ARPIN: variants seen among roughly 807,000 people sequenced by gnomAD.
ARPIN encodes the protein UPF0552 protein C15orf38.
Under a neutral mutation model 25.9 loss-of-function variants are expected in ARPIN, and 23 were observed. The observed-to-expected ratio is 0.89, with a 90% CI of 0.64 to 1.26. ARPIN has a LOEUF of 1.26. Among genes scored for constraint, ARPIN ranks in the 50% most tolerant of loss-of-function variants. ARPIN has a pLI of 0.00. For missense variants in ARPIN, 333 were observed against 312.2 expected (o/e 1.07, Z -0.50); for synonymous variants, 126 against 131.4 (o/e 0.96, Z 0.28).
intron 1 of ARPIN, chr15:89,912,253 C>T (rs1897237720): frequency 2.0e-6 from 2 of 990,190 alleles, no homozygotes; most frequent in Admixed American, 6.1e-5. Context: ...ATGGTCCCTT[C>T]GGCCTCATAA....
rs370824008 is a variant in ARPIN, at chr15:89,896,680, A to G, written c.*5115T>C. Reference sequence around the variant, plus strand: ...GTTATATTTAAAATGCAAATAACTGATAAACTAAAAAGATAACACTCCCCA... The same window carrying G: ...GTTATATTTAAAATGCAAATAACTGGTAAACTAAAAAGATAACACTCCCCA... On this transcript the variant is annotated 3_prime_UTR_variant, in exon 6 of 6. Coordinates refer to ENST00000357484, the MANE Select transcript of ARPIN (RefSeq NM_182616.4). The G allele has an allele frequency of 6.6e-6, 1 of 152,196 alleles. No homozygotes were observed. The highest frequency in any genetic ancestry group is 1.5e-5 in the Non-Finnish European group (1 of 68,030). 9.4% of individuals were successfully genotyped at this position (152,196 alleles called of 1,614,324 possible).
At chr15:89,908,799 T>G (rs1310975763) in intron 2 of ARPIN, among the ~76,000 whole-genome samples, 1 of 152,044 alleles carries the variant, frequency 6.6e-6, no homozygotes, top group East Asian at 1.9e-4. Context: ...CTGGCCAGCA[T>G]GGTGAAACCC....
At chr15:89,911,397 G>A (rs997797580) in intron 1 of ARPIN, among the ~76,000 whole-genome samples, 2 of 152,086 alleles carry the variant, frequency 1.3e-5, no homozygotes, top group South Asian at 4.1e-4. Context: ...AAGATCACAC[G>A]GTCCTTCACT....
chr15:89,908,711 C>G (rs1897171319), intron 2 of ARPIN, among the ~76,000 whole-genome samples: 1 of 152,084 alleles, frequency 6.6e-6, no homozygotes, highest in Non-Finnish European at 1.5e-5. Context: ...GGGCTGGGCA[C>G]AGTGGCTCAC....
At chr15:89,912,663 T>TTTGGGCCCCC in intron 1 of ARPIN, 81 bp downstream of exon 1, 1 of 871,098 alleles carries the variant, frequency 1.1e-6, no homozygotes, top group Non-Finnish European at 1.4e-6. Flanking sequence ...CCCACCCGCA[T>TTTGGGCCCCC]CCCACCCCCC....
At chr15:89,908,625 T>C (rs1897169897) in intron 2 of ARPIN, among the ~76,000 whole-genome samples, 1 of 152,104 alleles carries the variant, frequency 6.6e-6, no homozygotes. Context: ...TGAGCCCTGC[T>C]AGAAGTTCCT....
chr15:89,898,248 G>A lies in ARPIN; in HGVS notation c.*3547C>T, dbSNP rs1158781988. 12 of 116,588 alleles carry A rather than the reference G, an allele frequency of 1.0e-4. No individual in the cohort carries two copies. The Admixed American group carries it at 1.2e-3, about 11-fold the overall frequency. The allele number at this position is 116,588 out of a possible 1,614,324, so 7.2% of individuals were successfully genotyped here. ...ATGGTGAAAGGCAAGCTGGACACTGGTGGAAGAAAAAAAAATTCAGATGGG... is the reference window on the plus strand; with the variant it reads ...ATGGTGAAAGGCAAGCTGGACACTGATGGAAGAAAAAAAAATTCAGATGGG... On this transcript the variant is annotated 3_prime_UTR_variant, in exon 6 of 6. Coordinates refer to ENST00000357484, the MANE Select transcript of ARPIN (RefSeq NM_182616.4).
intron 1 of ARPIN, 107 bp from the exon 2 acceptor site, chr15:89,910,926 T>A: frequency 1.5e-6 from 2 of 1,329,296 alleles, no homozygotes; most frequent in Non-Finnish European, 2.1e-6. Context: ...ACTGAGCAGC[T>A]CCTTTCCCCG....
intron 1 of ARPIN, among the ~76,000 whole-genome samples, chr15:89,911,139 A>G (rs758510739): frequency 6.6e-6 from 1 of 152,226 alleles, no homozygotes; most frequent in Non-Finnish European, 1.5e-5. Flanking sequence ...TGATGTTGAC[A>G]CAAGATCATG....
At position 89,912,748 on chromosome 15, in the gene ARPIN, G is replaced by A. The variant is rs767975948; in HGVS notation, c.88C>T (p.Gln30Ter). The change falls in exon 1 of 6, where the codon CAG (glutamine) becomes TAG (stop). Residue 30 changes from glutamine (Q) to a stop codon, truncating the protein, a stop_gained. Coordinates refer to ENST00000357484, the MANE Select transcript of ARPIN (RefSeq NM_182616.4). LOFTEE classifies it high-confidence loss of function. ...LPGAWDPAAH[Q>*]GGNGVLLEGE... Reference sequence around the variant, plus strand: ...AGGCCGTGAGCCCAGGCCTACCCCTGGTGGGCGGCGGGGTCCCAGGCCCCT... The same window carrying A: ...AGGCCGTGAGCCCAGGCCTACCCCTAGTGGGCGGCGGGGTCCCAGGCCCCT... 1.5e-5 allele frequency: 19 copies of A among 1,259,756 alleles called. No individual in the cohort carries two copies. In the East Asian group the frequency reaches 1.2e-3, roughly 80 times the overall value. 78.0% of individuals were successfully genotyped at this position (1,259,756 alleles called of 1,614,324 possible).
At position 89,905,109 on chromosome 15, in the gene ARPIN, C is replaced by T. The variant is rs548387120; in HGVS notation, c.302-1126G>A. ...CAATCTCGGCTCATTGCAACCTCTACCTCCTGAGTTTGAGCAATTCTCCTG... is the reference window on the plus strand; with the variant it reads ...CAATCTCGGCTCATTGCAACCTCTATCTCCTGAGTTTGAGCAATTCTCCTG... On this transcript the variant is annotated intron_variant, in intron 3 of 5. Coordinates refer to ENST00000357484, the MANE Select transcript of ARPIN (RefSeq NM_182616.4). Among the ~76,000 whole-genome samples the T allele has an allele frequency of 2.8e-3, 419 of 152,042 alleles. 3 individuals carry two copies. Among genetic ancestry groups the T allele is most frequent in the African/African-American group, 9.7e-3 (403 of 41,442 alleles).
At chr15:89,903,174 C>T (rs1438250891) in intron 5 of ARPIN, 42 bp downstream of exon 5, 3 of 1,614,056 alleles carry the variant, frequency 1.9e-6, no homozygotes, top group African/African-American at 2.7e-5. Flanking sequence ...ATGTACCATG[C>T]TCCTGCCAGG....
Position 89,908,356 on chromosome 15 carries a change from G to A in ARPIN, c.225C>T (p.Asp75=), listed in dbSNP as rs531934995. ...RPSHIHRRKF[D]AKGNEIEPNF... ...TGGGCTCGATTTCATTTCCCTTGGC[G>A]TCGAATTTACGGCGATGGATGTGAC... The change falls in exon 3 of 6, where the codon GAC becomes GAT. Residue 75 remains aspartate, a synonymous_variant. Transcript: ENST00000357484. 27 of 1,614,166 alleles carry A rather than the reference G, an allele frequency of 1.7e-5. No individual in the cohort carries two copies. The highest frequency in any genetic ancestry group is 1.5e-4 in the African/African-American group (11 of 75,020).
rs2141913226 is a variant in ARPIN at position 89,897,145 on chromosome 15, C to T, written c.*4650G>A. On this transcript the variant is annotated 3_prime_UTR_variant, in exon 6 of 6. Coordinates refer to ENST00000357484, the MANE Select transcript of ARPIN (RefSeq NM_182616.4). ...CACACAGGGATCAATTTTAAATATC[C>T]AAAAGTTGGACCATGACAGAACTAT... is the stretch of plus-strand genomic sequence containing the variant. The T allele has an allele frequency of 6.6e-6, 1 of 152,224 alleles. No homozygotes were observed. The highest frequency in any genetic ancestry group is 2.1e-4 in the South Asian group (1 of 4,820). The allele number at this position is 152,224 out of a possible 1,614,324, so 9.4% of individuals were successfully genotyped here. A position where few individuals can be genotyped will look rare whatever the true frequency, so the allele number is the denominator to read the frequency against.
rs1033409279 is a variant in ARPIN, at chr15:89,903,244, T to C, written c.644A>G (p.Gln215Arg). 7 of 1,614,200 alleles carry C rather than the reference T, an allele frequency of 4.3e-6. No individual in the cohort carries two copies. The highest frequency in any genetic ancestry group is 2.7e-5 in the African/African-American group (2 of 75,048). Reference protein sequence around the residue: ...SKGAAAEIREQGDGAEDEEWD... With the variant: ...SKGAAAEIRERGDGAEDEEWD... ...CTCCTCGTCCTCTGCCCCATCCCCCTGCTCTCGGATCTCCGCTGCAGCCCC... is the reference window on the plus strand; with the variant it reads ...CTCCTCGTCCTCTGCCCCATCCCCCCGCTCTCGGATCTCCGCTGCAGCCCC... Residue 215 changes from glutamine to arginine, a missense_variant, in exon 5 of 6, where the codon CAG becomes CGG. Transcript: ENST00000357484.
At chr15:89,912,674 C>CA (rs1555450168) in intron 1 of ARPIN, 70 bp downstream of exon 1, 5 of 1,170,578 alleles carry the variant, frequency 4.3e-6, no homozygotes, top group Non-Finnish European at 4.2e-6. Context: ...CCCACCCCCC[C>CA]ACCCGATCCT....
intron 1 of ARPIN, among the ~76,000 whole-genome samples, chr15:89,911,734 C>G (rs1897227191): frequency 6.6e-6 from 1 of 152,148 alleles, no homozygotes; most frequent in Non-Finnish European, 1.5e-5. Flanking sequence ...TACATTAGGT[C>G]CCCAGAAATT....
rs1897074412 is a variant in ARPIN, at chr15:89,903,987, C to T, written c.302-4G>A. ...GTGTCCCCCTTGGCTTCCACCTCTG[C>T]AGGCACAGAGCGCAGGAGGGTCATT... On this transcript the variant is annotated splice_region_variant and splice_polypyrimidine_tract_variant and intron_variant, in intron 3 of 5. Transcript: ENST00000357484. 1 of 1,602,954 alleles carries T rather than the reference C, an allele frequency of 6.2e-7. No homozygotes were observed. The highest frequency in any genetic ancestry group is 1.7e-5 in the Admixed American group (1 of 59,934).
chr15:89,896,412 G>A lies in ARPIN; in HGVS notation c.*5383C>T, dbSNP rs1896931958. 6.6e-6 allele frequency: 1 copy of A among 152,172 alleles called. No individual in the cohort carries two copies. The highest frequency in any genetic ancestry group is 2.4e-5 in the African/African-American group (1 of 41,448). The allele number at this position is 152,172 out of a possible 1,614,324, so 9.4% of individuals were successfully genotyped here. A position where few individuals can be genotyped will look rare whatever the true frequency, so the allele number is the denominator to read the frequency against. On this transcript the variant is annotated 3_prime_UTR_variant, in exon 6 of 6. Transcript: ENST00000357484. ...TTTAGGCATAAAATAATTTTAATAT[G>A]TGATGTAGGAGTGGGAAGGAATTCA...
Sources: allele counts gnomAD v4.1 joint callset (sites outside exome capture counted in the v4.1 genomes callset), GRCh38; gene constraint gnomAD v4.1.1; transcripts MANE v1.5; gene names NCBI Gene and HGNC (gene_info 2026-07-23, HGNC 2026-07-21).